The following COPS3 variants were observed in gnomAD, a reference collection of about 807,000 sequenced individuals.
COPS3 encodes COP9 signalosome subunit 3.
A neutral mutation model predicts 58.2 loss-of-function variants in COPS3; 10 were observed. That is an observed-to-expected ratio of 0.17 (90% CI 0.11 to 0.29). The LOEUF is 0.29. COPS3 is among the 10% of genes least tolerant of loss of function. The probability of loss-of-function intolerance (pLI) is 1.00; values close to 1 mark genes in which losing one functional copy is unlikely to be tolerated. For synonymous variants in COPS3, 187 were observed against 181.7 expected (o/e 1.03, Z -0.24); for missense variants, 333 against 510.1 (o/e 0.65, Z 3.34).
chr17:17,271,859 C>CAT (rs1567860793), intron 2 of COPS3, among the ~76,000 whole-genome samples: 1 of 137,964 alleles, frequency 7.2e-6, no homozygotes, highest in Non-Finnish European at 1.5e-5. Flanking sequence ...TATATATATA[C>CAT]ACACATACAC....
chr17:17,268,147 C>T (rs2048268247), intron 4 of COPS3, 170 bp from the exon 5 acceptor site: 1 of 1,011,414 alleles, frequency 9.9e-7, no homozygotes, highest in Non-Finnish European at 1.3e-6. Flanking sequence ...AGTCAGAAAA[C>T]TTTTCTTAAG....
At chr17:17,268,548 C>T (rs1021987613) in intron 4 of COPS3, among the ~76,000 whole-genome samples, 5 of 152,108 alleles carry the variant, frequency 3.3e-5, no homozygotes, top group African/African-American at 9.7e-5. Context: ...TTGCTGGGCA[C>T]GGTGGCTCAC....
chr17:17,251,024 T>C (rs1297468635), intron 9 of COPS3, among the ~76,000 whole-genome samples: 3 of 152,208 alleles, frequency 2.0e-5, no homozygotes, highest in Non-Finnish European at 4.4e-5. Context: ...GACAAGAGTC[T>C]TGCACTGTTG....
In COPS3 at chr17:17,271,853, TATATAC is replaced by T. The variant is rs1366385025; in HGVS notation, c.186-851_186-846del. 3.5e-5 allele frequency among the ~76,000 whole-genome samples: 5 copies of T among 140,900 alleles called. No individual in the cohort carries two copies. The East Asian group carries it at 6.1e-4, about 17-fold the overall frequency. The allele number at this position is 140,900 out of a possible 152,430, so 92.4% of individuals were successfully genotyped here. A position where few individuals can be genotyped will look rare whatever the true frequency, so the allele number is the denominator to read the frequency against. On this transcript the variant is annotated intron_variant, in intron 2 of 11. Transcript: ENST00000268717. ...ATCTATATATATCTATATATATATA[TATATAC>T]ACACATACACACACATATGTTTAAT...
chr17:17,262,315 C>T (rs1261376477), intron 6 of COPS3, among the ~76,000 whole-genome samples: 1 of 152,074 alleles, frequency 6.6e-6, no homozygotes, highest in Non-Finnish European at 1.5e-5. Flanking sequence ...GGCTGGAGCG[C>T]AGTGATGTAA....
At chr17:17,251,123 T>C (rs1426624221) in intron 9 of COPS3, among the ~76,000 whole-genome samples, 1 of 151,792 alleles carries the variant, frequency 6.6e-6, no homozygotes, top group Non-Finnish European at 1.5e-5. Context: ...GCCTCCCGAG[T>C]AGCTGGGACT....
Position 17,270,985 on chromosome 17 carries a change from C to G in COPS3, c.209G>C (p.Ser70Thr), listed in dbSNP as rs370739274. The change falls in exon 3 of 12, where the codon AGT becomes ACT. Residue 70 changes from serine (S) to threonine (T), a missense_variant. Coordinates refer to ENST00000268717, the MANE Select transcript of COPS3 (RefSeq NM_003653.4). ...AVLFVKFSMPSVPDFETLFSQ... is the reference protein window; with the variant it reads ...AVLFVKFSMPTVPDFETLFSQ... ...GAATAGCGTTTCGAAGTCAGGAACACTGGGCATAGAAAACTTCACAAACCT... is the reference window on the plus strand; with the variant it reads ...GAATAGCGTTTCGAAGTCAGGAACAGTGGGCATAGAAAACTTCACAAACCT... The G allele has an allele frequency of 5.3e-5, 86 of 1,613,786 alleles. No homozygotes were observed. Among genetic ancestry groups the G allele is most frequent in the Non-Finnish European group, 7.2e-5 (85 of 1,179,900 alleles).
Position 17,247,554 on chromosome 17 carries a change from T to C in COPS3, c.1144A>G (p.Lys382Glu). ...MLHNIDQEML[K>E]CIELDERLKA... is the part of the protein sequence containing the mutation. ...AGCCGCTCATCCAGCTCAATGCACTTCAGCATCTGCATGACAGGCACATTA... is the reference window on the plus strand; with the variant it reads ...AGCCGCTCATCCAGCTCAATGCACTCCAGCATCTGCATGACAGGCACATTA... The change falls in exon 11 of 12, where the codon AAG (lysine) becomes GAG (glutamate). Residue 382 changes from lysine to glutamate, a missense_variant. Transcript: ENST00000268717. 1 of 1,614,190 alleles carries C rather than the reference T, an allele frequency of 6.2e-7. No homozygotes were observed. Among genetic ancestry groups the C allele is most frequent in the Non-Finnish European group, 8.5e-7 (1 of 1,180,038 alleles).
intron 11 of COPS3, 121 bp downstream of exon 11, chr17:17,247,359 C>A: frequency 2.0e-6 from 2 of 1,017,000 alleles, no homozygotes; most frequent in Non-Finnish European, 3.0e-6. Context: ...TTCTCCATGA[C>A]CGTACTGGTA....
At chr17:17,256,355 A>G (rs1274727607) in intron 8 of COPS3, among the ~76,000 whole-genome samples, 1 of 152,180 alleles carries the variant, frequency 6.6e-6, no homozygotes, top group Non-Finnish European at 1.5e-5. Context: ...TCTATTAAAT[A>G]TAATTGAAAA....
At chr17:17,265,460 G>C (rs542782793) in intron 5 of COPS3, among the ~76,000 whole-genome samples, 1 of 150,214 alleles carries the variant, frequency 6.7e-6, no homozygotes, top group Non-Finnish European at 1.5e-5. Context: ...GTGCAGTGGC[G>C]TCATCTCAGC....
intron 2 of COPS3, among the ~76,000 whole-genome samples, chr17:17,272,307 C>T (rs953047334): frequency 6.6e-6 from 1 of 152,098 alleles, no homozygotes; most frequent in African/African-American, 2.4e-5. Flanking sequence ...CCTGTAATCC[C>T]ACCTATTTGG....
rs748909016 is a variant in COPS3, at chr17:17,260,298, C to T, written c.936+3G>A. ...TGCCCTGTGAAGGTGGCACTTTCCT[C>T]ACCTTTGTTAGCCTCTGAATATTCT... is the stretch of plus-strand genomic sequence containing the variant. On this transcript the variant is annotated splice_donor_region_variant and intron_variant, in intron 8 of 11. Transcript: ENST00000268717. 7 of 1,613,282 alleles carry T rather than the reference C, an allele frequency of 4.3e-6. No homozygotes were observed. Among genetic ancestry groups the T allele is most frequent in the South Asian group, 2.2e-5 (2 of 91,024 alleles).
intron 6 of COPS3, among the ~76,000 whole-genome samples, chr17:17,264,102 G>T (rs2048170900): frequency 6.6e-6 from 1 of 152,172 alleles, no homozygotes; most frequent in African/African-American, 2.4e-5. Flanking sequence ...CAGAGCCACG[G>T]ATGTGTGTAC....
chr17:17,248,988 T>G lies in COPS3; in HGVS notation c.1075A>C (p.Ser359Arg). 6.2e-7 allele frequency: 1 copy of G among 1,611,786 alleles called. No individual in the cohort carries two copies. Among genetic ancestry groups the G allele is most frequent in the South Asian group, 1.1e-5 (1 of 90,348 alleles). ...TATTTTTCAGGGTTATCATGGAAAC[T>G]GACCATACCGTCCTTCTGGTTAATA... ...ASINQKDGMV[S>R]FHDNPEKYNN... Residue 359 changes from serine to arginine, a missense_variant, in exon 10 of 12, where the codon AGT (serine) becomes CGT (arginine). Ser to Arg is a moderately radical substitution (Grantham distance 110). Coordinates refer to ENST00000268717, the MANE Select transcript of COPS3 (RefSeq NM_003653.4).
intron 6 of COPS3, among the ~76,000 whole-genome samples, chr17:17,263,213 G>A (rs1398130302): frequency 2.6e-5 from 4 of 151,006 alleles, no homozygotes; most frequent in African/African-American, 4.9e-5. Context: ...GTGTGAACCC[G>A]GGAGGCGGAG....
intron 1 of COPS3, chr17:17,280,825 T>A (rs1418503591): frequency 7.3e-6 from 9 of 1,234,914 alleles, no homozygotes; most frequent in Non-Finnish European, 9.5e-6. Context: ...AGATGGCTCC[T>A]GGCGGAAGTC....
At chr17:17,259,466 A>G (rs1025003885) in intron 8 of COPS3, among the ~76,000 whole-genome samples, 2 of 152,214 alleles carry the variant, frequency 1.3e-5, no homozygotes, top group Non-Finnish European at 2.9e-5. Flanking sequence ...TTGACAATAA[A>G]AATTATAGAA....
intron 2 of COPS3, among the ~76,000 whole-genome samples, chr17:17,272,070 A>T (rs2048365666): frequency 6.6e-6 from 1 of 151,518 alleles, no homozygotes; most frequent in Non-Finnish European, 1.5e-5. Flanking sequence ...TGGGCAGATC[A>T]CAAGGTCAGG....
Sources: allele counts gnomAD v4.1 joint callset (sites outside exome capture counted in the v4.1 genomes callset), GRCh38; gene constraint gnomAD v4.1.1; transcripts MANE v1.5; gene names NCBI Gene and HGNC (gene_info 2026-07-23, HGNC 2026-07-21).